The following TOX variants were observed in gnomAD, a reference collection of about 807,000 sequenced individuals.
The protein encoded by TOX is thymocyte selection associated high mobility group box.
In TOX, 11 loss-of-function variants were observed where a neutral mutation model predicts 53.7. That is an observed-to-expected ratio of 0.20 (90% CI 0.13 to 0.34). The LOEUF (loss-of-function observed/expected upper bound fraction) is 0.34. TOX is among the 10% of genes least tolerant of loss of function. The probability of loss-of-function intolerance (pLI) is 1.00; values close to 1 mark genes in which losing one functional copy is unlikely to be tolerated. For missense variants in TOX, 570 were observed against 664.6 expected (o/e 0.86, Z 1.56); for synonymous variants, 225 against 245.3 (o/e 0.92, Z 0.77).
intron 3 of TOX, among the ~76,000 whole-genome samples, chr8:58,869,873 A>C (rs1444101542): frequency 6.6e-6 from 1 of 151,582 alleles, no homozygotes; most frequent in Non-Finnish European, 1.5e-5. Context: ...AAAATATAAC[A>C]CCATGCATGA....
intron 1 of TOX, among the ~76,000 whole-genome samples, chr8:59,055,683 A>T (rs1803877387): frequency 2.6e-5 from 4 of 152,210 alleles, no homozygotes. Context: ...TAGATGGGTC[A>T]AATGTTTTGA....
At chr8:58,983,679 TC>T (rs1026799834) in intron 1 of TOX, among the ~76,000 whole-genome samples, 8 of 152,262 alleles carry the variant, frequency 5.3e-5, no homozygotes, top group East Asian at 3.8e-4. Flanking sequence ...GACATTTTTC[TC>T]AGTGCCCCTT....
chr8:59,101,222 G>T (rs2129424391), intron 1 of TOX, among the ~76,000 whole-genome samples: 1 of 152,212 alleles, frequency 6.6e-6, no homozygotes, highest in Non-Finnish European at 1.5e-5. Flanking sequence ...TGTTAATAGG[G>T]TTATGTGTAT....
intron 1 of TOX, among the ~76,000 whole-genome samples, chr8:59,113,200 A>T (rs1261878313): frequency 6.6e-6 from 1 of 152,196 alleles, no homozygotes; most frequent in African/African-American, 2.4e-5. Flanking sequence ...TCCCATCTTC[A>T]TACTATTTTG....
chr8:58,873,369 T>C (rs1290834671), intron 3 of TOX, among the ~76,000 whole-genome samples: 2 of 152,172 alleles, frequency 1.3e-5, no homozygotes, highest in Non-Finnish European at 2.9e-5. Context: ...AGTCTTTGAC[T>C]TCTTGCACCC....
At chr8:58,987,553 T>C (rs1392549022) in intron 1 of TOX, among the ~76,000 whole-genome samples, 1 of 152,190 alleles carries the variant, frequency 6.6e-6, no homozygotes, top group South Asian at 2.1e-4. Flanking sequence ...TAAATGGAAG[T>C]ACTAATTCTG....
intron 3 of TOX, among the ~76,000 whole-genome samples, chr8:58,881,476 G>A (rs971198354): frequency 6.6e-6 from 1 of 152,066 alleles, no homozygotes; most frequent in Non-Finnish European, 1.5e-5. Flanking sequence ...TGTAATCCCA[G>A]CACTTCGTGA....
intron 6 of TOX, among the ~76,000 whole-genome samples, chr8:58,818,571 T>C (rs1047934549): frequency 3.9e-5 from 6 of 152,142 alleles, no homozygotes; most frequent in African/African-American, 1.2e-4. Context: ...TCTACCATAG[T>C]GCAAAATACA....
At chr8:58,949,249 T>G (rs1443733183) in intron 2 of TOX, among the ~76,000 whole-genome samples, 2 of 152,078 alleles carry the variant, frequency 1.3e-5, no homozygotes, top group Non-Finnish European at 2.9e-5. Flanking sequence ...TAAAATGGAC[T>G]GTGAATAATT....
intron 1 of TOX, among the ~76,000 whole-genome samples, chr8:59,098,207 AAG>A (rs1353510709): frequency 6.6e-6 from 1 of 152,226 alleles, no homozygotes; most frequent in Non-Finnish European, 1.5e-5. Context: ...CCAGAACAGT[AAG>A]AGAGCTGTGG....
intron 1 of TOX, among the ~76,000 whole-genome samples, chr8:58,974,372 G>A (rs1208684012): frequency 6.6e-6 from 1 of 152,170 alleles, no homozygotes; most frequent in Non-Finnish European, 1.5e-5. Context: ...CAAACTGTGA[G>A]TTGAGAGATG....
At chr8:58,887,992 G>T (rs1811500461) in intron 3 of TOX, among the ~76,000 whole-genome samples, 1 of 152,004 alleles carries the variant, frequency 6.6e-6, no homozygotes, top group African/African-American at 2.4e-5. Flanking sequence ...CCTACTAAAG[G>T]CCCAGGCTAT....
At position 58,815,602 on chromosome 8, in the gene TOX, G is replaced by A; in HGVS notation, c.1128C>T (p.His376=). 6.2e-7 allele frequency: 1 copy of A among 1,614,190 alleles called. No homozygotes were observed. The highest frequency in any genetic ancestry group is 8.5e-7 in the Non-Finnish European group (1 of 1,180,038). Residue 376 remains histidine (H), a synonymous_variant, in exon 7 of 9, where the codon CAC becomes CAT. Transcript: ENST00000361421. ...HSALYLSSHY[H]QQPGMNPHLT... ...GGTGAGGATTCATTCCCGGTTGTTGGTGATAGTGGGAACTTAGGTACAGGG... is the reference window on the plus strand; with the variant it reads ...GGTGAGGATTCATTCCCGGTTGTTGATGATAGTGGGAACTTAGGTACAGGG...
chr8:58,845,970 C>A (rs1279854076), intron 4 of TOX, among the ~76,000 whole-genome samples: 1 of 151,932 alleles, frequency 6.6e-6, no homozygotes, highest in East Asian at 1.9e-4. Context: ...TACAGGCTTA[C>A]AAAGAAGGCA....
intron 2 of TOX, among the ~76,000 whole-genome samples, chr8:58,943,893 A>C (rs1161710905): frequency 6.6e-6 from 1 of 152,226 alleles, no homozygotes; most frequent in Non-Finnish European, 1.5e-5. Context: ...GAGAAAAAGT[A>C]TTTAGGGACT....
intron 1 of TOX, among the ~76,000 whole-genome samples, chr8:59,115,556 C>A (rs1335391190): frequency 6.6e-6 from 1 of 152,174 alleles, no homozygotes; most frequent in African/African-American, 2.4e-5. Context: ...TTAAGGGATA[C>A]AATGTTACTT....
intron 6 of TOX, among the ~76,000 whole-genome samples, chr8:58,824,088 T>A (rs62505115): frequency 0.15 from 22,451 of 151,970 alleles, 1,985 homozygotes; most frequent in Non-Finnish European, 0.2. Flanking sequence ...TCTGAGGCAC[T>A]GGGTATTTTA....
At chr8:58,998,925 TACTA>T (rs1277761108) in intron 1 of TOX, among the ~76,000 whole-genome samples, 3 of 152,092 alleles carry the variant, frequency 2.0e-5, no homozygotes, top group Non-Finnish European at 4.4e-5. Context: ...AATCACCAGT[TACTA>T]ATTCATTTTA....
At chr8:58,924,971 T>G (rs1222603717) in intron 3 of TOX, among the ~76,000 whole-genome samples, 1 of 152,174 alleles carries the variant, frequency 6.6e-6, no homozygotes, top group Non-Finnish European at 1.5e-5. Flanking sequence ...GGAGTTTGAC[T>G]CCTCCTCTTC....
Sources: gnomAD v4.1 joint callset for allele counts (sites outside exome capture counted in the v4.1 genomes callset) on GRCh38, gnomAD v4.1.1 for gene constraint, MANE v1.5 for transcripts, NCBI Gene and HGNC (gene_info 2026-07-23, HGNC 2026-07-21) for gene names.